Variants in LOC400499 observed in about 807,000 individuals in gnomAD.
At chr16:11,484,806 G>T in the LOC400499 span, 2 of 398,088 alleles carry the variant, frequency 5.0e-6, no homozygotes, top group Non-Finnish European at 8.9e-6. Flanking sequence ...CCAAGTCTCA[G>T]GTTCAAAAGT....
the LOC400499 span, among the ~76,000 whole-genome samples, chr16:11,427,621 A>T: frequency 6.6e-6 from 1 of 151,914 alleles, no homozygotes; most frequent in South Asian, 2.1e-4. Flanking sequence ...TTTTTTTAAA[A>T]TTTTTGTAGC....
the LOC400499 span, chr16:11,417,589 G>C: frequency 1.0e-5 from 4 of 397,026 alleles, no homozygotes; most frequent in Non-Finnish European, 1.8e-5. Context: ...AGGCATGGAG[G>C]AAGCCAGCTC....
At chr16:11,461,873 G>A in the LOC400499 span, among the ~76,000 whole-genome samples, 7 of 152,182 alleles carry the variant, frequency 4.6e-5, no homozygotes, top group Non-Finnish European at 1.0e-4. Context: ...AGGTCAAAAT[G>A]TTACAAGTGT....
the LOC400499 span, chr16:11,393,532 C>A: frequency 1.5e-5 from 19 of 1,232,326 alleles, no homozygotes; most frequent in Non-Finnish European, 1.8e-5. Flanking sequence ...CCCAGTAGGC[C>A]AACCCGCTGA....
the LOC400499 span, among the ~76,000 whole-genome samples, chr16:11,507,477 G>A: frequency 6.6e-6 from 1 of 152,178 alleles, no homozygotes; most frequent in East Asian, 1.9e-4. Flanking sequence ...TCACTTGCTA[G>A]CAGTGTGGCT....
At chr16:11,429,385 C>A in the LOC400499 span, among the ~76,000 whole-genome samples, 1 of 152,174 alleles carries the variant, frequency 6.6e-6, no homozygotes, top group African/African-American at 2.4e-5. Flanking sequence ...ATTACCCAGT[C>A]TCCGGATGTG....
chr16:11,447,135 T>G, the LOC400499 span, among the ~76,000 whole-genome samples: 2 of 152,032 alleles, frequency 1.3e-5, no homozygotes, highest in African/African-American at 4.8e-5. Context: ...ATGGCTGGGG[T>G]CCCCGTCGCC....
chr16:11,414,217 A>G, the LOC400499 span: 7 of 398,310 alleles, frequency 1.8e-5, no homozygotes, highest in East Asian at 2.5e-4. Flanking sequence ...TAAATTGTCA[A>G]GTACTGGGGA....
the LOC400499 span, chr16:11,396,373 A>G: frequency 6.1e-6 from 5 of 814,306 alleles, no homozygotes; most frequent in Non-Finnish European, 8.2e-6. Flanking sequence ...CCCATCCAGA[A>G]TGCTGGTTTG....
At chr16:11,449,711 T>C in the LOC400499 span, among the ~76,000 whole-genome samples, 1 of 152,256 alleles carries the variant, frequency 6.6e-6, no homozygotes, top group Non-Finnish European at 1.5e-5. Flanking sequence ...TTGTCCCATG[T>C]CACTGATCCT....
chr16:11,493,390 G>A, the LOC400499 span, among the ~76,000 whole-genome samples: 3 of 152,180 alleles, frequency 2.0e-5, no homozygotes, highest in Admixed American at 2.0e-4. Context: ...ATGGCCCGTA[G>A]TCTGCCAAAC....
the LOC400499 span, among the ~76,000 whole-genome samples, chr16:11,457,564 G>C: frequency 3.5e-5 from 5 of 143,170 alleles, no homozygotes; most frequent in African/African-American, 1.3e-4. Flanking sequence ...CTGCACTCCA[G>C]CCTGGGCACA....
the LOC400499 span, among the ~76,000 whole-genome samples, chr16:11,439,176 G>T: frequency 1.3e-5 from 2 of 152,094 alleles, no homozygotes; most frequent in African/African-American, 4.8e-5. Flanking sequence ...AGGATTACAT[G>T]GCTTCTCCCA....
chr16:11,454,856 T>C, the LOC400499 span, among the ~76,000 whole-genome samples: 1 of 152,174 alleles, frequency 6.6e-6, no homozygotes, highest in Non-Finnish European at 1.5e-5. Flanking sequence ...AAAGGGATTG[T>C]GACCCAGAGG....
At chr16:11,432,163 G>A in the LOC400499 span, among the ~76,000 whole-genome samples, 1 of 152,342 alleles carries the variant, frequency 6.6e-6, no homozygotes, top group African/African-American at 2.4e-5. Flanking sequence ...GCACACATCT[G>A]GCTGGGAACT....
chr16:11,407,419 T>A, the LOC400499 span: 19 of 396,738 alleles, frequency 4.8e-5, no homozygotes, highest in African/African-American at 3.9e-4. Flanking sequence ...CAGGAGATGC[T>A]GGCTGTAGGC....
the LOC400499 span, among the ~76,000 whole-genome samples, chr16:11,413,602 G>T: frequency 4.2e-4 from 64 of 152,300 alleles, no homozygotes; most frequent in African/African-American, 1.4e-3. Context: ...TGGGTGCCAA[G>T]TCTGAGTCCC....
chr16:11,482,172 G>C, the LOC400499 span, among the ~76,000 whole-genome samples: 1 of 152,166 alleles, frequency 6.6e-6, no homozygotes, highest in Non-Finnish European at 1.5e-5. Flanking sequence ...GGCAATCCAA[G>C]ACGATGAACC....
At chr16:11,391,599 G>A in the LOC400499 span, 2 of 1,194,750 alleles carry the variant, frequency 1.7e-6, no homozygotes, top group South Asian at 4.2e-5. Flanking sequence ...TGAGCGCTTA[G>A]GGCCCCGGTG....
Sources: gnomAD v4.1 joint callset for allele counts (sites outside exome capture counted in the v4.1 genomes callset) on GRCh38, gnomAD v4.1.1 for gene constraint, MANE v1.5 for transcripts.